Variants in HS6ST3 observed in about 807,000 individuals in gnomAD.
HS6ST3 encodes the protein heparan sulfate 6-O-sulfotransferase 3, also known as heparan-sulfate 6-O-sulfotransferase 3.
A neutral mutation model predicts 36.7 loss-of-function variants in HS6ST3; 12 were observed. That is an observed-to-expected ratio of 0.33 (90% CI 0.21 to 0.53). The LOEUF is 0.53. Ranked by LOEUF, HS6ST3 falls within the 20% of genes least tolerant of loss-of-function variation. HS6ST3 has a pLI of 0.95. For missense variants in HS6ST3, 584 were observed against 640.9 expected (o/e 0.91, Z 0.96); for synonymous variants, 240 against 257.5 (o/e 0.93, Z 0.65).
At chr13:96,481,276 T>A (rs2055888891) in intron 1 of HS6ST3, among the ~76,000 whole-genome samples, 1 of 152,140 alleles carries the variant, frequency 6.6e-6, no homozygotes, top group Non-Finnish European at 1.5e-5. Flanking sequence ...AAAGTGATAA[T>A]TTTTTAAAAA....
chr13:96,142,114 A>T (rs2054035104), intron 1 of HS6ST3, among the ~76,000 whole-genome samples: 2 of 152,072 alleles, frequency 1.3e-5, no homozygotes. Flanking sequence ...TCAAGAGCTA[A>T]TCAAGGGTCA....
chr13:96,818,531 G>A (rs1487058352), intron 1 of HS6ST3, among the ~76,000 whole-genome samples: 1 of 152,154 alleles, frequency 6.6e-6, no homozygotes, highest in East Asian at 1.9e-4. Flanking sequence ...GGGAGCTGAA[G>A]AACAAAAAGA....
At chr13:96,565,750 C>T (rs1471254637) in intron 1 of HS6ST3, among the ~76,000 whole-genome samples, 1 of 152,064 alleles carries the variant, frequency 6.6e-6, no homozygotes, top group African/African-American at 2.4e-5. Flanking sequence ...GGCTTATAGT[C>T]TGATCACTTC....
intron 1 of HS6ST3, among the ~76,000 whole-genome samples, chr13:96,119,102 G>C (rs970385584): frequency 2.6e-5 from 4 of 152,162 alleles, no homozygotes; most frequent in African/African-American, 9.7e-5. Flanking sequence ...AAATGACTGT[G>C]TGTTTAGAAA....
chr13:96,123,554 T>C (rs1174565819), intron 1 of HS6ST3, among the ~76,000 whole-genome samples: 2 of 152,164 alleles, frequency 1.3e-5, no homozygotes, highest in African/African-American at 4.8e-5. Context: ...TCCTTTGTCT[T>C]ATGTCAACTC....
intron 1 of HS6ST3, among the ~76,000 whole-genome samples, chr13:96,188,883 G>A (rs906427663): frequency 6.6e-6 from 1 of 152,100 alleles, no homozygotes; most frequent in Non-Finnish European, 1.5e-5. Context: ...TGGTATACAA[G>A]CTTTTTCCCA....
At chr13:96,259,146 ATGTG>A (rs2054652084) in intron 1 of HS6ST3, among the ~76,000 whole-genome samples, 1 of 151,514 alleles carries the variant, frequency 6.6e-6, no homozygotes, top group Middle Eastern at 3.2e-3. Context: ...GTGTGTGTGT[ATGTG>A]TGTGTCTGTG....
intron 1 of HS6ST3, among the ~76,000 whole-genome samples, chr13:96,797,610 A>G (rs1445611324): frequency 6.6e-6 from 1 of 152,142 alleles, no homozygotes; most frequent in Non-Finnish European, 1.5e-5. Context: ...GAATGAGGTT[A>G]TGGGAAACAG....
At chr13:96,467,933 C>A (rs546503155) in intron 1 of HS6ST3, among the ~76,000 whole-genome samples, 2 of 152,222 alleles carry the variant, frequency 1.3e-5, no homozygotes, top group East Asian at 3.9e-4. Flanking sequence ...AGGATTGGTG[C>A]AAGAGCTAGG....
At chr13:96,441,526 A>C (rs2055671178) in intron 1 of HS6ST3, among the ~76,000 whole-genome samples, 1 of 152,232 alleles carries the variant, frequency 6.6e-6, no homozygotes, top group Non-Finnish European at 1.5e-5. Context: ...AGCTGATGAA[A>C]GTCTTCAGCA....
intron 1 of HS6ST3, among the ~76,000 whole-genome samples, chr13:96,410,298 A>T (rs1566353021): frequency 6.6e-6 from 1 of 152,184 alleles, no homozygotes; most frequent in Non-Finnish European, 1.5e-5. Flanking sequence ...AGTTTTTATA[A>T]ATCAATAGGA....
At chr13:96,193,100 A>G (rs1199480636) in intron 1 of HS6ST3, among the ~76,000 whole-genome samples, 1 of 152,080 alleles carries the variant, frequency 6.6e-6, no homozygotes, top group African/African-American at 2.4e-5. Context: ...TTCTGATGGC[A>G]TTGGCTCCAG....
intron 1 of HS6ST3, among the ~76,000 whole-genome samples, chr13:96,656,168 G>A (rs1483552193): frequency 1.3e-5 from 2 of 152,088 alleles, no homozygotes; most frequent in East Asian, 3.9e-4. Flanking sequence ...AACTAATGTG[G>A]TATTTGTAAA....
Position 96,140,445 on chromosome 13 carries a change from A to G in HS6ST3, c.707+48876A>G, listed in dbSNP as rs536900841. On this transcript the variant is annotated intron_variant, in intron 1 of 1. Transcript: ENST00000376705. ...CTCTCTCGGTTCTGGTATATTTTTC[A>G]TAGTATGTAGTGCAACATTGTAAAC... 2.0e-5 allele frequency among the ~76,000 whole-genome samples: 3 copies of G among 152,288 alleles called. No homozygotes were observed. In the East Asian group the frequency reaches 5.8e-4, roughly 29 times the overall value.
At position 96,392,554 on chromosome 13, in the gene HS6ST3, A is replaced by G. The variant is rs553505402; in HGVS notation, c.707+300985A>G. Among the ~76,000 whole-genome samples the G allele has an allele frequency of 1.6e-3, 241 of 152,372 alleles. 1 individual carries two copies. The highest frequency in any genetic ancestry group is 2.7e-3 in the Non-Finnish European group (182 of 68,040). On this transcript the variant is annotated intron_variant, in intron 1 of 1. Coordinates refer to ENST00000376705, the MANE Select transcript of HS6ST3 (RefSeq NM_153456.4). ...TGATGACAGCTTGAAAAAGTGACAC[A>G]TGATCTGATGTCCAAAGAATTAGTT...
chr13:96,440,266 G>A (rs1282149974), intron 1 of HS6ST3, among the ~76,000 whole-genome samples: 2 of 152,122 alleles, frequency 1.3e-5, no homozygotes, highest in African/African-American at 4.8e-5. Flanking sequence ...AGCCAACATG[G>A]TGAAACCACA....
intron 1 of HS6ST3, among the ~76,000 whole-genome samples, chr13:96,720,761 G>C (rs1361461466): frequency 6.6e-6 from 1 of 152,158 alleles, no homozygotes; most frequent in South Asian, 2.1e-4. Flanking sequence ...TATAATCCTT[G>C]TATCTTGATA....
intron 1 of HS6ST3, among the ~76,000 whole-genome samples, chr13:96,415,571 A>C (rs1229195241): frequency 6.6e-6 from 1 of 152,238 alleles, no homozygotes; most frequent in East Asian, 1.9e-4. Context: ...GATGGGGGAA[A>C]TAAGACCAGC....
intron 1 of HS6ST3, among the ~76,000 whole-genome samples, chr13:96,258,003 A>G (rs2054645539): frequency 6.6e-6 from 1 of 151,276 alleles, no homozygotes; most frequent in South Asian, 2.1e-4. Flanking sequence ...TGTTGTTACT[A>G]TTGTCATCAC....
Sources: allele counts gnomAD v4.1 joint callset (sites outside exome capture counted in the v4.1 genomes callset), GRCh38; gene constraint gnomAD v4.1.1; transcripts MANE v1.5; gene names NCBI Gene and HGNC (gene_info 2026-07-23, HGNC 2026-07-21).